LINGO2: variants seen among roughly 807,000 people sequenced by gnomAD.
LINGO2 encodes the protein leucine-rich repeat and immunoglobulin-like domain-containing nogo receptor-interacting protein 2.
A neutral mutation model predicts 30.6 loss-of-function variants in LINGO2; 14 were observed. The ratio of observed to expected loss-of-function variants is 0.46; its 90% confidence interval spans 0.30 to 0.72. The LOEUF (loss-of-function observed/expected upper bound fraction) is 0.72, where lower values mean the gene tolerates loss of function less well. Ranked by LOEUF, LINGO2 falls within the 30% of genes least tolerant of loss-of-function variation. The pLI is 0.07. For missense variants in LINGO2, 729 were observed against 751.7 expected (o/e 0.97, Z 0.35); for synonymous variants, 317 against 288.5 (o/e 1.10, Z -1.00).
intron 3 of LINGO2, among the ~76,000 whole-genome samples, chr9:28,296,775 A>G (rs1823938713): frequency 6.6e-6 from 1 of 152,214 alleles, no homozygotes; most frequent in East Asian, 1.9e-4. Context: ...TTAGATACCC[A>G]TAAATATCCA....
the LINGO2 span, among the ~76,000 whole-genome samples, chr9:28,797,347 T>TAGAGAG: frequency 3.2e-4 from 22 of 68,242 alleles, no homozygotes; most frequent in South Asian, 6.4e-4. Context: ...TATATATATA[T>TAGAGAG]ATATATATAT....
At chr9:28,027,966 A>C (rs1823465156) in intron 4 of LINGO2, among the ~76,000 whole-genome samples, 1 of 152,208 alleles carries the variant, frequency 6.6e-6, no homozygotes, top group Admixed American at 6.5e-5. Context: ...GAGGAAATCA[A>C]ACTTAAAGAA....
At chr9:28,688,948 G>A in the LINGO2 span, among the ~76,000 whole-genome samples, 1 of 152,108 alleles carries the variant, frequency 6.6e-6, no homozygotes, top group African/African-American at 2.4e-5. Context: ...GCAGCCCCCC[G>A]ATCCTCATCT....
At chr9:28,710,617 T>G in the LINGO2 span, among the ~76,000 whole-genome samples, 3 of 152,228 alleles carry the variant, frequency 2.0e-5, no homozygotes, top group South Asian at 2.1e-4. Context: ...TTGGGATGAC[T>G]GGAACAGTCT....
chr9:29,053,443 G>C, the LINGO2 span, among the ~76,000 whole-genome samples: 926 of 152,248 alleles, frequency 6.1e-3, 12 homozygotes, highest in African/African-American at 0.021. Context: ...GATAGCATTA[G>C]GAGATATACC....
At chr9:28,774,395 T>C in the LINGO2 span, among the ~76,000 whole-genome samples, 1 of 152,174 alleles carries the variant, frequency 6.6e-6, no homozygotes, top group East Asian at 1.9e-4. Context: ...CCAAAACGTA[T>C]CCAACAAAAA....
intron 1 of LINGO2, among the ~76,000 whole-genome samples, chr9:28,639,043 G>T (rs1178893548): frequency 1.3e-5 from 2 of 152,072 alleles, no homozygotes; most frequent in Non-Finnish European, 2.9e-5. Context: ...TGGTTTCAAA[G>T]AACATCTTTA....
At chr9:28,035,918 G>GCACA (rs1563931302) in intron 4 of LINGO2, among the ~76,000 whole-genome samples, 3 of 125,174 alleles carry the variant, frequency 2.4e-5, no homozygotes, top group Admixed American at 7.9e-5. Context: ...ACACACACAT[G>GCACA]CGCTAATATA....
At chr9:28,817,206 T>C in the LINGO2 span, among the ~76,000 whole-genome samples, 4 of 151,708 alleles carry the variant, frequency 2.6e-5, no homozygotes, top group Non-Finnish European at 5.9e-5. Context: ...AGTTCAGTCA[T>C]TCCTGAGCTA....
chr9:28,135,376 G>T (rs143645685), intron 4 of LINGO2, among the ~76,000 whole-genome samples: 1 of 151,946 alleles, frequency 6.6e-6, no homozygotes, highest in African/African-American at 2.4e-5. Context: ...AAGAAGGCAA[G>T]ATTAAAAGGA....
the LINGO2 span, among the ~76,000 whole-genome samples, chr9:28,921,841 G>A: frequency 3.3e-5 from 5 of 152,188 alleles, no homozygotes; most frequent in African/African-American, 7.2e-5. Flanking sequence ...TGTAAACATC[G>A]GCAGGAGATT....
chr9:28,096,997 A>G (rs1826261407), intron 4 of LINGO2, among the ~76,000 whole-genome samples: 1 of 152,176 alleles, frequency 6.6e-6, no homozygotes, highest in African/African-American at 2.4e-5. Context: ...AATTAAAAAT[A>G]ATTGTTTTGC....
At chr9:28,496,681 G>A (rs1402094994) in intron 1 of LINGO2, among the ~76,000 whole-genome samples, 1 of 152,118 alleles carries the variant, frequency 6.6e-6, no homozygotes, top group African/African-American at 2.4e-5. Flanking sequence ...ATTGTTATGT[G>A]TGAATTTGAT....
At chr9:28,738,129 G>A in the LINGO2 span, among the ~76,000 whole-genome samples, 1 of 152,092 alleles carries the variant, frequency 6.6e-6, no homozygotes, top group African/African-American at 2.4e-5. Flanking sequence ...ATAGTGTCCA[G>A]AGAGGACAAG....
At chr9:29,210,388 T>C in the LINGO2 span, among the ~76,000 whole-genome samples, 1 of 152,214 alleles carries the variant, frequency 6.6e-6, no homozygotes, top group South Asian at 2.1e-4. Context: ...ATTTGAGCCC[T>C]AAATATGTAT....
the LINGO2 span, among the ~76,000 whole-genome samples, chr9:28,843,237 C>T: frequency 0.016 from 2,459 of 151,592 alleles, 112 homozygotes; most frequent in African/African-American, 0.055. Context: ...AAGAAATAGT[C>T]CTTATTTGAT....
intron 1 of LINGO2, among the ~76,000 whole-genome samples, chr9:28,479,911 G>GTATATATATATATATA (rs58972403): frequency 5.0e-4 from 25 of 49,760 alleles, no homozygotes; most frequent in Non-Finnish European, 8.2e-4. Flanking sequence ...ATATACGTAG[G>GTATATATATATATATA]TATATATATA....
the LINGO2 span, among the ~76,000 whole-genome samples, chr9:28,680,146 C>T: frequency 1.3e-5 from 2 of 151,938 alleles, no homozygotes; most frequent in African/African-American, 2.4e-5. Context: ...TGCCCTGCAC[C>T]CACCACACCT....
At chr9:28,852,860 C>A in the LINGO2 span, among the ~76,000 whole-genome samples, 2 of 152,040 alleles carry the variant, frequency 1.3e-5, no homozygotes, top group Non-Finnish European at 2.9e-5. Context: ...CTCAGCCTAA[C>A]AAGTAAAATT....
Sources: gnomAD v4.1 joint callset for allele counts (sites outside exome capture counted in the v4.1 genomes callset) on GRCh38, gnomAD v4.1.1 for gene constraint, MANE v1.5 for transcripts, NCBI Gene and HGNC (gene_info 2026-07-23, HGNC 2026-07-21) for gene names.